The following LAMP3 variants were observed in gnomAD, a reference collection of about 807,000 sequenced individuals.
The protein encoded by LAMP3 is lysosome-associated membrane glycoprotein 3.
Under a neutral mutation model 34.8 loss-of-function variants are expected in LAMP3, and 26 were observed. The observed-to-expected ratio is 0.75, with a 90% CI of 0.55 to 1.04. The LOEUF (loss-of-function observed/expected upper bound fraction) is 1.04. Ranked by LOEUF, LAMP3 falls within the 50% of genes least tolerant of loss-of-function variation. The pLI is 0.00. For synonymous variants in LAMP3, 180 were observed against 201.9 expected (o/e 0.89, Z 0.92); for missense variants, 495 against 524.0 (o/e 0.94, Z 0.54).
At chr3:183,142,221 G>C (rs1366465165) in intron 3 of LAMP3, among the ~76,000 whole-genome samples, 1 of 152,116 alleles carries the variant, frequency 6.6e-6, no homozygotes, top group African/African-American at 2.4e-5. Flanking sequence ...CGGGTTACAA[G>C]GCCCCCGCCC....
In LAMP3 at chr3:183,134,900, A is replaced by G. The variant is rs367904453; in HGVS notation, c.1117+817T>C. Among the ~76,000 whole-genome samples the G allele has an allele frequency of 5.1e-4, 77 of 152,380 alleles. No individual in the cohort carries two copies. The South Asian group carries it at 0.016, about 31-fold the overall frequency. On this transcript the variant is annotated intron_variant, in intron 5 of 5. Transcript: ENST00000265598. The stretch of plus-strand genomic sequence containing the variant: ...AGAGGGATGTTTTAGAAATTGAAGT[A>G]CATGACCCTCCTGGTCATATGTAGA...
chr3:183,146,615 T>C (rs7427761), intron 3 of LAMP3, among the ~76,000 whole-genome samples: 133,603 of 150,456 alleles, frequency 0.89, 59,362 homozygotes, highest in Middle Eastern at 0.92. Context: ...GCAACTTCCG[T>C]CTCCTGGGTT....
At chr3:183,163,310 GTT>G (rs1228327858), upstream of LAMP3, among the ~76,000 whole-genome samples, 1 of 130,244 alleles carries the variant, frequency 7.7e-6, no homozygotes, top group African/African-American at 2.8e-5. Context: ...GTTTTGTTTT[GTT>G]TTGTTTTTTG....
rs1049430744 is a variant in LAMP3, at chr3:183,123,652, A to C, written c.*429T>G. The C allele has an allele frequency of 5.9e-6, 1 of 169,650 alleles. No homozygotes were observed. The highest frequency in any genetic ancestry group is 1.4e-4 in the South Asian group (1 of 7,130). 10.5% of individuals were successfully genotyped at this position (169,650 alleles called of 1,614,324 possible). A position where few individuals can be genotyped will look rare whatever the true frequency, so the allele number is the denominator to read the frequency against. On this transcript the variant is annotated 3_prime_UTR_variant, in exon 6 of 6. Coordinates refer to ENST00000265598, the MANE Select transcript of LAMP3 (RefSeq NM_014398.4). Reference sequence around the variant, plus strand: ...GAAACCATAAAACACAGATAGTAAAAGCACTGAAAGTCCATTTGATAACAA... The same window carrying C: ...GAAACCATAAAACACAGATAGTAAACGCACTGAAAGTCCATTTGATAACAA...
chr3:183,141,356 A>G (rs985515942), intron 3 of LAMP3, among the ~76,000 whole-genome samples: 5 of 152,192 alleles, frequency 3.3e-5, no homozygotes, highest in African/African-American at 1.2e-4. Flanking sequence ...ACAAACTACA[A>G]AACAGCCCTA....
intron 1 of LAMP3, among the ~76,000 whole-genome samples, chr3:183,155,288 A>G (rs975972923): frequency 2.0e-5 from 3 of 152,146 alleles, no homozygotes; most frequent in African/African-American, 7.2e-5. Flanking sequence ...AACTGTTCCC[A>G]ATGACAGGAG....
At chr3:183,129,006 G>A (rs1361644681) in intron 5 of LAMP3, among the ~76,000 whole-genome samples, 1 of 152,126 alleles carries the variant, frequency 6.6e-6, no homozygotes, top group African/African-American at 2.4e-5. Flanking sequence ...CCTGGCGACA[G>A]AGCAAGACTC....
chr3:183,136,101 TA>T lies in LAMP3; in HGVS notation c.947-215del, dbSNP rs1282404356. 2.0e-5 allele frequency among the ~76,000 whole-genome samples: 3 copies of T among 152,152 alleles called. No individual in the cohort carries two copies. The East Asian group carries it at 5.8e-4, about 29-fold the overall frequency. On this transcript the variant is annotated intron_variant, in intron 4 of 5. Transcript: ENST00000265598. ...TGGGGTATAAGGGAGACACCTCACA[TA>T]AACTGGAATGCGCAAATAATGAAAT...
chr3:183,135,367 C>G (rs1050228937), intron 5 of LAMP3, among the ~76,000 whole-genome samples: 1 of 152,202 alleles, frequency 6.6e-6, no homozygotes, highest in East Asian at 1.9e-4. Flanking sequence ...TACTCAGGAT[C>G]TTTAAAGTGT....
At chr3:183,133,771 A>G (rs1204115054) in intron 5 of LAMP3, among the ~76,000 whole-genome samples, 1 of 152,204 alleles carries the variant, frequency 6.6e-6, no homozygotes, top group Non-Finnish European at 1.5e-5. Flanking sequence ...ACAAAACACA[A>G]TGTTTGCAGG....
chr3:183,127,993 A>T (rs1041268409), intron 5 of LAMP3, among the ~76,000 whole-genome samples: 11 of 151,952 alleles, frequency 7.2e-5, no homozygotes, highest in South Asian at 2.1e-4. Flanking sequence ...AAAATAAAAT[A>T]AAAAAATAAC....
At chr3:183,141,283 A>G (rs559045219) in intron 3 of LAMP3, among the ~76,000 whole-genome samples, 1 of 152,300 alleles carries the variant, frequency 6.6e-6, no homozygotes, top group African/African-American at 2.4e-5. Context: ...AAGTGGTTGT[A>G]TTTAAAACCT....
Position 183,162,593 on chromosome 3 carries a change from T to A in LAMP3, c.49+14A>T. The A allele has an allele frequency of 6.5e-7, 1 of 1,547,344 alleles. No homozygotes were observed. The highest frequency in any genetic ancestry group is 8.7e-7 in the Non-Finnish European group (1 of 1,146,226). ...ACGTCAGGGCCACCGCGGGAAGCGCTGAGGGCCACTCACCGGCCAGGGACG... is the reference window on the plus strand; with the variant it reads ...ACGTCAGGGCCACCGCGGGAAGCGCAGAGGGCCACTCACCGGCCAGGGACG... On this transcript the variant is annotated intron_variant, in intron 1 of 5. Coordinates refer to ENST00000265598, the MANE Select transcript of LAMP3 (RefSeq NM_014398.4).
Position 183,135,784 on chromosome 3 carries a change from G to A in LAMP3, c.1050C>T (p.His350=). The A allele has an allele frequency of 6.2e-7, 1 of 1,614,186 alleles. No individual in the cohort carries two copies. The highest frequency in any genetic ancestry group is 8.5e-7 in the Non-Finnish European group (1 of 1,180,000). ...GGACATCGGTTGTTTTCACCTGCAGGTGGGCTGACAACTGGAGGCTCTGTT... is the reference window on the plus strand; with the variant it reads ...GGACATCGGTTGTTTTCACCTGCAGATGGGCTGACAACTGGAGGCTCTGTT... ...VSEQSLQLSA[H]LQVKTTDVQL... The change falls in exon 5 of 6, where the codon CAC becomes CAT. Residue 350 remains histidine (H), a synonymous_variant. Transcript: ENST00000265598.
At chr3:183,139,533 T>G (rs1394927205) in intron 4 of LAMP3, among the ~76,000 whole-genome samples, 1 of 152,200 alleles carries the variant, frequency 6.6e-6, no homozygotes, top group Admixed American at 6.6e-5. Flanking sequence ...TACTGTTTTT[T>G]CCTGCATATA....
chr3:183,132,388 T>C (rs1486114398), intron 5 of LAMP3: 9 of 970,456 alleles, frequency 9.3e-6, no homozygotes, highest in South Asian at 4.8e-5. Context: ...TTGAAATGCA[T>C]TGGTTTTTTT....
chr3:183,163,096 T>C (rs1437619506), upstream of LAMP3, among the ~76,000 whole-genome samples: 2 of 151,770 alleles, frequency 1.3e-5, no homozygotes. Flanking sequence ...TAGCTGGGAT[T>C]ACAGGCATGC....
intron 1 of LAMP3, among the ~76,000 whole-genome samples, chr3:183,155,885 A>C (rs1212711421): frequency 1.3e-5 from 2 of 152,248 alleles, no homozygotes; most frequent in Non-Finnish European, 1.5e-5. Context: ...TGTAAGGCTC[A>C]CATGAGTTGG....
rs187581164 is a variant in LAMP3 at position 183,158,288 on chromosome 3, C to T, written c.50-3897G>A. ...CCACACATATATGACTGATTTCTGT[C>T]GAAATTGGGTCACAGTTTTTAAATG... On this transcript the variant is annotated intron_variant, in intron 1 of 5. Coordinates refer to ENST00000265598, the MANE Select transcript of LAMP3 (RefSeq NM_014398.4). Among the ~76,000 whole-genome samples the T allele has an allele frequency of 5.2e-4, 79 of 152,176 alleles. 1 individual carries two copies. Among genetic ancestry groups the T allele is most frequent in the Admixed American group, 3.9e-3 (59 of 15,280 alleles).
Sources: allele counts gnomAD v4.1 joint callset (sites outside exome capture counted in the v4.1 genomes callset), GRCh38; gene constraint gnomAD v4.1.1; transcripts MANE v1.5; gene names NCBI Gene and HGNC (gene_info 2026-07-23, HGNC 2026-07-21).